TBC1D1: variants seen among roughly 807,000 people sequenced by gnomAD.
TBC1D1 encodes TBC1 domain family member 1, also known as TBC1 (tre-2/USP6, BUB2, cdc16) domain family, member 1.
A neutral mutation model predicts 125.6 loss-of-function variants in TBC1D1; 89 were observed. The ratio of observed to expected loss-of-function variants is 0.71; its 90% CI spans 0.60 to 0.85. TBC1D1 has a LOEUF of 0.85. Among genes scored for constraint, TBC1D1 ranks in the 40% least tolerant of loss-of-function variants. The pLI, the probability that TBC1D1 is intolerant of heterozygous loss-of-function variation, is 0.00. For synonymous variants in TBC1D1, 565 were observed against 564.1 expected (o/e 1.00, Z -0.02); for missense variants, 1,377 against 1,469.2 (o/e 0.94, Z 1.03).
chr4:37,911,061 C>T (rs1718494753), intron 2 of TBC1D1, among the ~76,000 whole-genome samples: 1 of 150,382 alleles, frequency 6.6e-6, no homozygotes. Flanking sequence ...ACTAGACTAG[C>T]TTCCTAAAAA....
intron 2 of TBC1D1, among the ~76,000 whole-genome samples, chr4:38,006,266 G>A (rs563918979): frequency 9.5e-4 from 145 of 151,960 alleles, no homozygotes; most frequent in Middle Eastern, 3.4e-3. Context: ...ATATTACACA[G>A]CCAAGGCCAA....
intron 2 of TBC1D1, among the ~76,000 whole-genome samples, chr4:37,903,495 C>T (rs868623089): frequency 9.2e-5 from 14 of 152,106 alleles, no homozygotes; most frequent in South Asian, 8.3e-4. Context: ...ATGTACAGGG[C>T]GAGGATGCGA....
chr4:37,938,518 CATTTT>C (rs528131965), intron 2 of TBC1D1, among the ~76,000 whole-genome samples: 2,836 of 152,108 alleles, frequency 0.019, 48 homozygotes, highest in Non-Finnish European at 0.027. Flanking sequence ...GAATTTTTTT[CATTTT>C]ATTTTATTTT....
chr4:37,943,044 C>G (rs1328988162), intron 2 of TBC1D1, among the ~76,000 whole-genome samples: 1 of 152,332 alleles, frequency 6.6e-6, no homozygotes, highest in East Asian at 1.9e-4. Context: ...GTGACAAAAT[C>G]TGTCAGCATT....
intron 8 of TBC1D1, among the ~76,000 whole-genome samples, chr4:38,043,956 C>T (rs1397725209): frequency 1.3e-5 from 2 of 152,212 alleles, no homozygotes; most frequent in East Asian, 1.9e-4. Flanking sequence ...GTTTTACACA[C>T]TTTACCTGTT....
At chr4:37,921,109 C>CAAAA (rs1188232681) in intron 2 of TBC1D1, among the ~76,000 whole-genome samples, 144 of 71,584 alleles carry the variant, frequency 2.0e-3, no homozygotes, top group Non-Finnish European at 2.3e-3. Flanking sequence ...GACTCCGTCT[C>CAAAA]AAAAAAAAAA....
At chr4:37,937,402 T>C (rs1023284661) in intron 2 of TBC1D1, among the ~76,000 whole-genome samples, 3 of 152,098 alleles carry the variant, frequency 2.0e-5, no homozygotes, top group African/African-American at 7.2e-5. Flanking sequence ...ATGCTTACGA[T>C]AAAAATTCAA....
intron 18 of TBC1D1, among the ~76,000 whole-genome samples, chr4:38,126,219 C>A (rs1764625685): frequency 6.6e-6 from 1 of 152,112 alleles, no homozygotes; most frequent in Non-Finnish European, 1.5e-5. Flanking sequence ...AGAAAAGGTA[C>A]AATAAAAATA....
At chr4:38,077,343 T>C (rs1755770354) in intron 12 of TBC1D1, among the ~76,000 whole-genome samples, 1 of 152,238 alleles carries the variant, frequency 6.6e-6, no homozygotes, top group South Asian at 2.1e-4. Context: ...CTGCGTCTAC[T>C]AAGTTCAAGG....
chr4:38,006,419 A>C (rs1190590363), intron 2 of TBC1D1, among the ~76,000 whole-genome samples: 2 of 149,950 alleles, frequency 1.3e-5, no homozygotes, highest in Non-Finnish European at 3.0e-5. Context: ...CAGTAGATGC[A>C]TTTTCTTCTC....
chr4:38,000,400 G>A (rs538575823), intron 2 of TBC1D1, among the ~76,000 whole-genome samples: 1 of 152,288 alleles, frequency 6.6e-6, no homozygotes, highest in South Asian at 2.1e-4. Flanking sequence ...ACCAGCAAGT[G>A]TTGTAGATTT....
At chr4:38,100,776 G>T (rs1437024132) in intron 14 of TBC1D1, among the ~76,000 whole-genome samples, 1 of 152,168 alleles carries the variant, frequency 6.6e-6, no homozygotes, top group Admixed American at 6.5e-5. Flanking sequence ...ATTTCCAAGA[G>T]GTGGCCCAGT....
At chr4:37,985,909 T>C (rs1391875377) in intron 2 of TBC1D1, among the ~76,000 whole-genome samples, 1 of 152,176 alleles carries the variant, frequency 6.6e-6, no homozygotes, top group Non-Finnish European at 1.5e-5. Context: ...TAATTGTAGG[T>C]CATTGATGTG....
rs573853650 is a variant in TBC1D1, at chr4:37,963,101, A to G, written c.418-51408A>G. Among the ~76,000 whole-genome samples the G allele has an allele frequency of 1.3e-4, 20 of 152,350 alleles. No individual in the cohort carries two copies. The South Asian group carries it at 2.3e-3, about 17-fold the overall frequency. On this transcript the variant is annotated intron_variant, in intron 2 of 19. Transcript: ENST00000261439. ...TCCTCTGCTACAGTCCATAAAAATC[A>G]TTTAGTTGAAGCTATGCATATTTAC... is the stretch of plus-strand genomic sequence containing the variant.
At chr4:37,917,000 A>G (rs1019770765) in intron 2 of TBC1D1, among the ~76,000 whole-genome samples, 1 of 150,040 alleles carries the variant, frequency 6.7e-6, no homozygotes, top group African/African-American at 2.4e-5. Context: ...TGAACTTCTG[A>G]CCTCAAGTGA....
chr4:38,104,995 T>G (rs1761046714), intron 15 of TBC1D1, among the ~76,000 whole-genome samples: 1 of 152,112 alleles, frequency 6.6e-6, no homozygotes. Context: ...GACCTCGTGA[T>G]CCTCCCGCCT....
intron 2 of TBC1D1, among the ~76,000 whole-genome samples, chr4:37,927,354 T>A (rs1448066331): frequency 6.6e-6 from 1 of 152,208 alleles, no homozygotes; most frequent in Non-Finnish European, 1.5e-5. Flanking sequence ...CAATTCTATT[T>A]TTTTGTGTGT....
chr4:37,934,518 A>G (rs1723975511), intron 2 of TBC1D1, among the ~76,000 whole-genome samples: 2 of 152,194 alleles, frequency 1.3e-5, no homozygotes, highest in Admixed American at 6.5e-5. Flanking sequence ...CTTCTGCGTC[A>G]TCCGTCCTGG....
intron 7 of TBC1D1, 64 bp downstream of exon 7, chr4:38,027,943 A>G (rs1745377019): frequency 3.1e-6 from 4 of 1,278,884 alleles, no homozygotes; most frequent in South Asian, 2.7e-5. Flanking sequence ...GGGAAATGCT[A>G]TGTGTAAAAA....
Sources: allele counts gnomAD v4.1 joint callset (sites outside exome capture counted in the v4.1 genomes callset), GRCh38; gene constraint gnomAD v4.1.1; transcripts MANE v1.5; gene names NCBI Gene and HGNC (gene_info 2026-07-23, HGNC 2026-07-21).